Variants in ARSL observed in about 807,000 individuals in gnomAD.
The protein encoded by ARSL is arylsulfatase L.
ARSL carries 4 observed loss-of-function variants against 31.1 expected under a neutral mutation model. The ratio of observed to expected loss-of-function variants is 0.13; its 90% CI spans 0.06 to 0.29. The LOEUF (loss-of-function observed/expected upper bound fraction) is 0.29, where lower values mean the gene tolerates loss of function less well. ARSL is among the 10% of genes least tolerant of loss of function. The pLI, the probability that ARSL is intolerant of heterozygous loss-of-function variation, is 1.00. For missense variants in ARSL, 312 were observed against 497.8 expected (o/e 0.63, Z 3.55); for synonymous variants, 198 against 209.9 (o/e 0.94, Z 0.49).
chrX:2,966,732 A>G (rs1005240612), upstream of ARSL, among the ~76,000 whole-genome samples: 53 of 109,659 alleles, frequency 4.8e-4, no homozygotes, highest in African/African-American at 1.6e-3. Context: ...ACTTTAAAAT[A>G]TATATGTACA....
At chrX:2,961,708 T>G (rs186454494) in intron 1 of ARSL, among the ~76,000 whole-genome samples, 1 of 111,429 alleles carries the variant, frequency 9.0e-6, no homozygotes, top group South Asian at 3.8e-4. Context: ...CTGAAAAGAT[T>G]GACTAAGACT....
At position 2,950,294 on chromosome X, in the gene ARSL, A is replaced by G. The variant is rs577465131; in HGVS notation, c.431-567T>C. Among the ~76,000 whole-genome samples the G allele has an allele frequency of 1.4e-3, 158 of 112,193 alleles. 1 individual carries two copies. Among genetic ancestry groups the G allele is most frequent in the African/African-American group, 4.9e-3 (153 of 30,939 alleles). On this transcript the variant is annotated intron_variant, in intron 5 of 10. Transcript: ENST00000381134. ...ACTTGATTATATCTGCAATGACTCT[A>G]TTGTGAGCTGGATCCTGGCCTGCCT...
At chrX:2,962,821 C>T (rs994977270) in intron 1 of ARSL, among the ~76,000 whole-genome samples, 10 of 110,579 alleles carry the variant, frequency 9.0e-5, no homozygotes, top group Middle Eastern at 9.3e-3. Context: ...CAAAGTCCCC[C>T]CTTTGCTCAC....
At chrX:2,939,909 C>T (rs1369721357) in intron 8 of ARSL, among the ~76,000 whole-genome samples, 1 of 90,843 alleles carries the variant, frequency 1.1e-5, no homozygotes, top group Non-Finnish European at 2.1e-5. Context: ...CTTACTCTGT[C>T]ACCCAGGCGA....
At chrX:2,945,915 C>T in intron 7 of ARSL, 83 bp downstream of exon 7, 1 of 1,160,387 alleles carries the variant, frequency 8.6e-7, no homozygotes, top group Non-Finnish European at 1.2e-6. Context: ...CATCTTCTGT[C>T]TTTAACCTTC....
At position 2,949,504 on chromosome X, in the gene ARSL, G is replaced by T; in HGVS notation, c.654C>A (p.His218Gln). Residue 218 changes from histidine (H) to glutamine (Q), a missense_variant, in exon 6 of 11, where the codon CAC (histidine) becomes CAA (glutamine). Transcript: ENST00000381134. ...ALTLVAGKLT[H>Q]LIPVSWMPVI... The stretch of plus-strand genomic sequence containing the variant: ...CCGGCATCCACGAGACGGGTATCAG[G>T]TGTGTGAGCTTCCCTGCTACCAGTG... 2.5e-6 allele frequency: 3 copies of T among 1,211,560 alleles called. No homozygotes were observed. Among genetic ancestry groups the T allele is most frequent in the Non-Finnish European group, 3.4e-6 (3 of 895,485 alleles).
At chrX:2,960,174 C>T (rs2089596215) in intron 2 of ARSL, among the ~76,000 whole-genome samples, 1 of 77,217 alleles carries the variant, frequency 1.3e-5, no homozygotes, top group African/African-American at 4.8e-5. Flanking sequence ...GAGGCTGAGG[C>T]AGGAGAATGG....
At chrX:2,968,061 G>A, upstream of ARSL, 4 of 1,035,351 alleles carry the variant, frequency 3.9e-6, no homozygotes, top group East Asian at 3.3e-5. Flanking sequence ...TTGAAAAGAC[G>A]CAGTTTAGCA....
In ARSL at chrX:2,934,844, A is replaced by G. The variant is rs778054688; in HGVS notation, c.1758T>C (p.Asp586=). 2.5e-6 allele frequency: 3 copies of G among 1,198,706 alleles called. No homozygotes were observed. The highest frequency in any genetic ancestry group is 3.4e-6 in the Non-Finnish European group (3 of 887,641). The change falls in exon 11 of 11, where the codon GAT becomes GAC. Residue 586 remains aspartate (D), a synonymous_variant. Transcript: ENST00000381134. ...TCACTGCAGACATTTATTGTGGGTC[A>G]TCTTCCCTAAGGCACCAGCAGAGGG... ...PFPLCWCLRE[D]DPQ is the part of the protein sequence containing the mutation.
chrX:2,946,702 C>T (rs2089389178), intron 6 of ARSL, among the ~76,000 whole-genome samples: 2 of 108,280 alleles, frequency 1.8e-5, no homozygotes, highest in South Asian at 4.1e-4. Context: ...CGGATTGTGG[C>T]TCTGTCGCCC....
chrX:2,965,530 T>A (rs1439883378), upstream of ARSL, among the ~76,000 whole-genome samples: 3 of 89,510 alleles, frequency 3.4e-5, no homozygotes, highest in African/African-American at 1.2e-4. Context: ...ATAATAAACA[T>A]AAGATAAAAA....
intron 1 of ARSL, among the ~76,000 whole-genome samples, chrX:2,962,411 A>T (rs1335444707): frequency 2.7e-5 from 3 of 111,861 alleles, no homozygotes; most frequent in African/African-American, 9.8e-5. Flanking sequence ...CACTTTTAGA[A>T]GGGCCGAGCG....
intron 4 of ARSL, among the ~76,000 whole-genome samples, 177 bp downstream of exon 4, chrX:2,955,239 G>A (rs2089509298): frequency 9.0e-6 from 1 of 111,378 alleles, no homozygotes; most frequent in African/African-American, 3.3e-5. Flanking sequence ...AGCACTCTGG[G>A]AGGTCAAGGA....
At chrX:2,943,421 C>T (rs2089309257) in intron 7 of ARSL, among the ~76,000 whole-genome samples, 1 of 110,678 alleles carries the variant, frequency 9.0e-6, no homozygotes, top group Admixed American at 9.7e-5. Flanking sequence ...AGGCAACGTA[C>T]AAGGACAAAA....
chrX:2,943,741 CAAAAAAAAAAAAAAA>C (rs63205261), intron 7 of ARSL, among the ~76,000 whole-genome samples: 5 of 13,730 alleles, frequency 3.6e-4, no homozygotes, highest in Admixed American at 1.3e-3. Flanking sequence ...GACTCGGTCT[CAAAAAAAAAAAAAAA>C]AAAAAAAAAA....
At chrX:2,945,504 C>T (rs138563698) in intron 7 of ARSL, among the ~76,000 whole-genome samples, 50 of 111,660 alleles carry the variant, frequency 4.5e-4, no homozygotes, top group African/African-American at 1.6e-3. Flanking sequence ...CTTGGGAATT[C>T]AGACGTGGAA....
chrX:2,949,177 C>G lies in ARSL; in HGVS notation c.854+127G>C, dbSNP rs188072687. On this transcript the variant is annotated intron_variant, in intron 6 of 10. Transcript: ENST00000381134. Reference sequence around the variant, plus strand: ...AACTCCTGACCTCAGGCGATCCTCCCACCTCAGCCTCCAAAAGCACTGGGA... The same window carrying G: ...AACTCCTGACCTCAGGCGATCCTCCGACCTCAGCCTCCAAAAGCACTGGGA... 4.9e-3 allele frequency: 4,328 copies of G among 884,642 alleles called. 11 individuals carry two copies. Among genetic ancestry groups the G allele is most frequent in the Non-Finnish European group, 6.0e-3 (3,700 of 618,100 alleles). The allele number at this position is 884,642 out of a possible 1,213,427, so 72.9% of individuals were successfully genotyped here.
chrX:2,944,891 T>C (rs188306749), intron 7 of ARSL, among the ~76,000 whole-genome samples: 1 of 109,460 alleles, frequency 9.1e-6, no homozygotes, highest in East Asian at 2.9e-4. Context: ...GCAATGGTGA[T>C]GCTGTGTTAG....
Position 2,959,517 on chromosome X carries a change from C to G in ARSL, c.23+861G>C, listed in dbSNP as rs1157504248. On this transcript the variant is annotated intron_variant, in intron 2 of 10. Coordinates refer to ENST00000381134, the MANE Select transcript of ARSL (RefSeq NM_000047.3). Reference sequence around the variant, plus strand: ...CAGTGGGATGCAGTAAAGATGTAATCTGAGTCTCCAAGGTTTGTAGTAGGG... The same window carrying G: ...CAGTGGGATGCAGTAAAGATGTAATGTGAGTCTCCAAGGTTTGTAGTAGGG... 5.6e-6 allele frequency: 6 copies of G among 1,069,578 alleles called. No homozygotes were observed. The African/African-American group carries it at 5.7e-5, about 10-fold the overall frequency. 88.1% of individuals were successfully genotyped at this position (1,069,578 alleles called of 1,213,427 possible). A position where few individuals can be genotyped will look rare whatever the true frequency, so the allele number is the denominator to read the frequency against.
Sources: gnomAD v4.1 joint callset for allele counts (sites outside exome capture counted in the v4.1 genomes callset) on GRCh38, gnomAD v4.1.1 for gene constraint, MANE v1.5 for transcripts, NCBI Gene and HGNC (gene_info 2026-07-23, HGNC 2026-07-21) for gene names.